Variants in GPAT4 observed in about 807,000 individuals in gnomAD.
The protein encoded by GPAT4 is 1-AGP acyltransferase 6.
GPAT4 carries 17 observed loss-of-function variants against 58.0 expected under a neutral mutation model. That is an observed-to-expected ratio of 0.29 (90% confidence interval 0.20 to 0.44). GPAT4 has a LOEUF of 0.44. Among genes scored for constraint, GPAT4 ranks in the 20% least tolerant of loss-of-function variants. The probability of loss-of-function intolerance (pLI) is 1.00; values close to 1 mark genes in which losing one functional copy is unlikely to be tolerated. For synonymous variants in GPAT4, 204 were observed against 210.1 expected, an observed-to-expected ratio of 0.97 and a Z score of 0.25; for missense variants, 377 against 574.5, an observed-to-expected ratio of 0.66 and a Z score of 3.51.
intron 1 of GPAT4, among the ~76,000 whole-genome samples, chr8:41,592,552 G>A (rs1802816450): frequency 6.6e-6 from 1 of 152,122 alleles, no homozygotes; most frequent in African/African-American, 2.4e-5. Flanking sequence ...AATTCATCAG[G>A]AACTGGGTCT....
intron 12 of GPAT4, among the ~76,000 whole-genome samples, chr8:41,620,479 A>AAC (rs774102166): frequency 1.3e-5 from 2 of 152,242 alleles, no homozygotes; most frequent in Non-Finnish European, 2.9e-5. Context: ...GTCTGAATTA[A>AAC]ACAAATGACA....
chr8:41,597,749 T>A (rs758291922), intron 1 of GPAT4, among the ~76,000 whole-genome samples: 2 of 152,228 alleles, frequency 1.3e-5, no homozygotes, highest in East Asian at 1.9e-4. Flanking sequence ...AGGAGCTCTA[T>A]GTGTATTGAT....
At chr8:41,589,290 G>C (rs1361189854) in intron 1 of GPAT4, among the ~76,000 whole-genome samples, 1 of 133,626 alleles carries the variant, frequency 7.5e-6, no homozygotes, top group Non-Finnish European at 1.5e-5. Flanking sequence ...CAAATAACTT[G>C]TTAGGCCAGT....
intron 1 of GPAT4, among the ~76,000 whole-genome samples, chr8:41,590,313 C>T (rs995735509): frequency 3.3e-5 from 5 of 152,224 alleles, no homozygotes; most frequent in African/African-American, 4.8e-5. Context: ...TCTCAAACTC[C>T]TGACCTCAGG....
At chr8:41,620,747 T>G in intron 12 of GPAT4, 146 bp from the exon 13 acceptor site, 14 of 1,351,452 alleles carry the variant, frequency 1.0e-5, no homozygotes, top group African/African-American at 1.5e-5. Context: ...CCAAATCCCC[T>G]GAGGTTGTCT....
chr8:41,621,151 G>T lies in GPAT4; in HGVS notation c.*150G>T. The T allele has an allele frequency of 8.5e-7, 1 of 1,170,776 alleles. No individual in the cohort carries two copies. Among genetic ancestry groups the T allele is most frequent in the East Asian group, 2.6e-5 (1 of 38,590 alleles). The allele number at this position is 1,170,776 out of a possible 1,614,324, so 72.5% of individuals were successfully genotyped here. A position where few individuals can be genotyped will look rare whatever the true frequency, so the allele number is the denominator to read the frequency against. ...CCAGGACTCCGGCTTTCGCCGAGCC[G>T]CAGCGGGATCCCTGTGCACCCGGCG... On this transcript the variant is annotated 3_prime_UTR_variant, in exon 13 of 13. Coordinates refer to ENST00000396987, the MANE Select transcript of GPAT4 (RefSeq NM_178819.4).
At chr8:41,580,544 C>T (rs1173473782) in intron 1 of GPAT4, among the ~76,000 whole-genome samples, 3 of 152,138 alleles carry the variant, frequency 2.0e-5, no homozygotes, top group Non-Finnish European at 4.4e-5. Flanking sequence ...CTCAATTTTC[C>T]TACCCTTAAA....
chr8:41,620,896 T>TG lies in GPAT4; in HGVS notation c.1271dup (p.Leu425ProfsTer99). ...CATCCAGCCTTTGTCTCTCCAGGGA[T>TG]GGGGGCCTGAAGAGGGAGAAGGTGA... On this transcript the variant is annotated frameshift_variant, in exon 13 of 13. Transcript: ENST00000396987. LOFTEE classifies it high-confidence loss of function. 1.3e-6 allele frequency: 2 copies of TG among 1,550,754 alleles called. No homozygotes were observed. The highest frequency in any genetic ancestry group is 1.7e-6 in the Non-Finnish European group (2 of 1,147,040).
At chr8:41,584,616 CT>C (rs572144062) in intron 1 of GPAT4, among the ~76,000 whole-genome samples, 144 of 152,256 alleles carry the variant, frequency 9.5e-4, no homozygotes, top group African/African-American at 3.3e-3. Flanking sequence ...ATATGCAGTA[CT>C]CAGATTTCAA....
intron 4 of GPAT4, chr8:41,610,211 AG>A: frequency 7.4e-7 from 1 of 1,348,554 alleles, no homozygotes; most frequent in Non-Finnish European, 9.5e-7. Flanking sequence ...ACACAGGGAC[AG>A]GGAACATTGT....
intron 1 of GPAT4, among the ~76,000 whole-genome samples, chr8:41,587,636 C>T (rs1333050751): frequency 2.0e-5 from 3 of 152,174 alleles, no homozygotes; most frequent in East Asian, 1.9e-4. Context: ...GCCCTGCGCA[C>T]TGCACTAGAT....
In GPAT4 at chr8:41,612,849, G is replaced by C. The variant is rs1329229940; in HGVS notation, c.800G>C (p.Gly267Ala). Residue 267 changes from glycine (G) to alanine (A), a missense_variant, in exon 8 of 13, where the codon GGT becomes GCT. Physicochemically the swap from Gly to Ala is moderately conservative, Grantham distance 60 (BLOSUM62 0). Coordinates refer to ENST00000396987, the MANE Select transcript of GPAT4 (RefSeq NM_178819.4). ...LASDGYYAMV[G>A]QVHGGLMGVI... is the part of the protein sequence containing the mutation. ...GAGTCCTGTGCCTGCGCTTAGGTGG[G>C]TCAAGTGCACGGGGGACTCATGGGT... is the stretch of plus-strand genomic sequence containing the variant. 2 of 1,613,918 alleles carry C rather than the reference G, an allele frequency of 1.2e-6. No individual in the cohort carries two copies. The highest frequency in any genetic ancestry group is 2.2e-5 in the South Asian group (2 of 91,058).
intron 2 of GPAT4, among the ~76,000 whole-genome samples, chr8:41,602,202 G>T (rs111909313): frequency 6.6e-6 from 1 of 152,160 alleles, no homozygotes; most frequent in African/African-American, 2.4e-5. Flanking sequence ...TGATCCATCC[G>T]ACTCAGTCTT....
intron 1 of GPAT4, among the ~76,000 whole-genome samples, chr8:41,587,228 G>A (rs894810298): frequency 6.6e-5 from 10 of 152,238 alleles, no homozygotes; most frequent in Non-Finnish European, 8.8e-5. Context: ...CTGTGGCCAT[G>A]TTTGCCTCCC....
chr8:41,600,036 C>CTTTTCTTTTTTT (rs1554502474), intron 2 of GPAT4, among the ~76,000 whole-genome samples: 2 of 100,332 alleles, frequency 2.0e-5, no homozygotes, highest in Admixed American at 1.2e-4. Flanking sequence ...TTTTTCTTTT[C>CTTTTCTTTTTTT]TTTTTTTTTT....
At position 41,612,882 on chromosome 8, in the gene GPAT4, A is replaced by C; in HGVS notation, c.833A>C (p.Gln278Pro). The C allele has an allele frequency of 6.2e-7, 1 of 1,614,120 alleles. No homozygotes were observed. Residue 278 changes from glutamine (Q) to proline (P), a missense_variant, in exon 8 of 13, where the codon CAG becomes CCG. Physicochemically the swap from Gln to Pro is moderately conservative, Grantham distance 76. Transcript: ENST00000396987. ...QVHGGLMGVI[Q>P]RAMVKACPHV... ...CACGGGGGACTCATGGGTGTGATTCAGAGAGCCATGGTGAAGGCCTGCCCA... is the reference window on the plus strand; with the variant it reads ...CACGGGGGACTCATGGGTGTGATTCCGAGAGCCATGGTGAAGGCCTGCCCA...
intron 1 of GPAT4, among the ~76,000 whole-genome samples, chr8:41,589,028 T>C (rs1802724265): frequency 6.6e-6 from 1 of 152,230 alleles, no homozygotes; most frequent in African/African-American, 2.4e-5. Context: ...GTCATGCTTA[T>C]ATTTACTTGA....
At chr8:41,613,385 TA>T (rs1273350843) in intron 8 of GPAT4, among the ~76,000 whole-genome samples, 30 of 148,236 alleles carry the variant, frequency 2.0e-4, no homozygotes, top group Admixed American at 2.7e-4. Flanking sequence ...GACTCTGTCT[TA>T]AAAAAAAAAG....
At chr8:41,613,470 A>C (rs966504587) in intron 8 of GPAT4, among the ~76,000 whole-genome samples, 13 of 152,198 alleles carry the variant, frequency 8.5e-5, no homozygotes, top group South Asian at 4.1e-4. Context: ...TACCCATCAT[A>C]ATAAACAAAA....
Sources: allele counts gnomAD v4.1 joint callset (sites outside exome capture counted in the v4.1 genomes callset), GRCh38; gene constraint gnomAD v4.1.1; transcripts MANE v1.5; gene names NCBI Gene and HGNC (gene_info 2026-07-23, HGNC 2026-07-21).